Variants in ALCAM observed in about 807,000 individuals in gnomAD.
ALCAM encodes the protein activated leukocyte cell adhesion molecule, also known as CD166 antigen.
In ALCAM, 30 loss-of-function variants were observed where a neutral mutation model predicts 70.9. The ratio of observed to expected loss-of-function variants is 0.42; its 90% confidence interval spans 0.32 to 0.57. The LOEUF (loss-of-function observed/expected upper bound fraction) is 0.57. Among genes scored for constraint, ALCAM ranks in the 20% least tolerant of loss-of-function variants. The probability of loss-of-function intolerance (pLI) is 0.11; values close to 1 mark genes in which losing one functional copy is unlikely to be tolerated. For synonymous variants in ALCAM, 249 were observed against 242.5 expected (o/e 1.03, Z -0.25); for missense variants, 591 against 695.1 (o/e 0.85, Z 1.68).
At chr3:105,463,843 C>G (rs986597866) in intron 1 of ALCAM, among the ~76,000 whole-genome samples, 3 of 151,304 alleles carry the variant, frequency 2.0e-5, no homozygotes, top group African/African-American at 7.3e-5. Flanking sequence ...CCTGAAGTCC[C>G]TTAGTCAATA....
intron 14 of ALCAM, among the ~76,000 whole-genome samples, chr3:105,554,339 C>T (rs1269099185): frequency 6.6e-6 from 1 of 151,878 alleles, no homozygotes; most frequent in Admixed American, 6.6e-5. Flanking sequence ...AAAAATGTCC[C>T]AGTTCAAGTG....
intron 1 of ALCAM, among the ~76,000 whole-genome samples, chr3:105,450,619 C>T (rs532875122): frequency 2.6e-5 from 4 of 152,258 alleles, no homozygotes; most frequent in South Asian, 2.1e-4. Context: ...TTGTCATATA[C>T]TTGAGTACTT....
chr3:105,376,433 T>A (rs903192345), intron 1 of ALCAM, among the ~76,000 whole-genome samples: 4 of 152,230 alleles, frequency 2.6e-5, no homozygotes, highest in African/African-American at 9.7e-5. Flanking sequence ...GGTCACATTG[T>A]TGGCCAATCC....
intron 14 of ALCAM, among the ~76,000 whole-genome samples, chr3:105,559,081 TA>T (rs910120973): frequency 2.0e-5 from 3 of 151,726 alleles, no homozygotes; most frequent in African/African-American, 7.3e-5. Context: ...TTCTCTCATT[TA>T]AGGTTATTAA....
intron 14 of ALCAM, among the ~76,000 whole-genome samples, chr3:105,557,853 A>C (rs371268884): frequency 3.3e-5 from 5 of 152,162 alleles, no homozygotes; most frequent in East Asian, 3.9e-4. Context: ...AAAGACATAA[A>C]ATTTTCATGA....
chr3:105,563,006 A>G (rs1940659376), intron 14 of ALCAM, among the ~76,000 whole-genome samples: 1 of 151,982 alleles, frequency 6.6e-6, no homozygotes, highest in African/African-American at 2.4e-5. Flanking sequence ...GGGTTTCTCC[A>G]TGTTGGTCAG....
At chr3:105,375,320 G>T (rs1316974050) in intron 1 of ALCAM, among the ~76,000 whole-genome samples, 5 of 152,004 alleles carry the variant, frequency 3.3e-5, no homozygotes, top group African/African-American at 7.3e-5. Context: ...TATCATACAG[G>T]CTCCACAATA....
chr3:105,391,974 C>T (rs1446479618), intron 1 of ALCAM, among the ~76,000 whole-genome samples: 1 of 151,684 alleles, frequency 6.6e-6, no homozygotes, highest in Non-Finnish European at 1.5e-5. Context: ...GATCAGTATG[C>T]CAGTGTTTTA....
intron 1 of ALCAM, among the ~76,000 whole-genome samples, chr3:105,407,266 CA>C (rs34938740): frequency 0.68 from 101,550 of 150,166 alleles, 34,467 homozygotes; most frequent in East Asian, 0.92. Context: ...GCAACAACAA[CA>C]AAAAAAAAAC....
chr3:105,396,647 A>G (rs1935957697), intron 1 of ALCAM, among the ~76,000 whole-genome samples: 1 of 151,986 alleles, frequency 6.6e-6, no homozygotes, highest in Admixed American at 6.6e-5. Flanking sequence ...AACAGTAAAA[A>G]TATTGTGGAA....
intron 1 of ALCAM, among the ~76,000 whole-genome samples, chr3:105,517,182 G>A (rs1222269576): frequency 6.6e-6 from 1 of 152,072 alleles, no homozygotes; most frequent in Non-Finnish European, 1.5e-5. Flanking sequence ...TCCCACAGAT[G>A]CAAGCCTTCA....
intron 1 of ALCAM, among the ~76,000 whole-genome samples, chr3:105,497,170 G>A (rs1938769017): frequency 6.6e-6 from 1 of 152,022 alleles, no homozygotes; most frequent in Non-Finnish European, 1.5e-5. Flanking sequence ...AAAAAGCTAT[G>A]AATCATTTTA....
chr3:105,415,707 C>G (rs548059924), intron 1 of ALCAM, among the ~76,000 whole-genome samples: 1 of 152,090 alleles, frequency 6.6e-6, no homozygotes, highest in East Asian at 1.9e-4. Flanking sequence ...TCTTTCTTTT[C>G]AAGTTACCTC....
intron 11 of ALCAM, among the ~76,000 whole-genome samples, chr3:105,548,920 A>G (rs1205766435): frequency 2.0e-5 from 3 of 151,510 alleles, no homozygotes; most frequent in Non-Finnish European, 4.4e-5. Flanking sequence ...ACCTTTAGGT[A>G]CTGGTAATAC....
chr3:105,454,100 C>T (rs1937498305), intron 1 of ALCAM, among the ~76,000 whole-genome samples: 1 of 151,962 alleles, frequency 6.6e-6, no homozygotes, highest in African/African-American at 2.4e-5. Context: ...AGAGAGCACA[C>T]CTATTCTATT....
intron 1 of ALCAM, among the ~76,000 whole-genome samples, chr3:105,427,926 A>G (rs1033533773): frequency 2.6e-5 from 4 of 152,016 alleles, no homozygotes; most frequent in African/African-American, 9.7e-5. Flanking sequence ...GAGAAAACCT[A>G]TTATACTTTT....
intron 1 of ALCAM, among the ~76,000 whole-genome samples, chr3:105,496,177 T>C (rs1158007642): frequency 6.6e-6 from 1 of 152,194 alleles, no homozygotes; most frequent in East Asian, 1.9e-4. Context: ...TTCCTATAAT[T>C]AAATACTTAT....
chr3:105,404,380 A>C (rs367797397), intron 1 of ALCAM, among the ~76,000 whole-genome samples: 2 of 152,200 alleles, frequency 1.3e-5, no homozygotes, highest in East Asian at 1.9e-4. Flanking sequence ...GATTAACAGC[A>C]CATTTCTCAG....
intron 1 of ALCAM, among the ~76,000 whole-genome samples, chr3:105,436,752 A>C (rs545098688): frequency 6.6e-6 from 1 of 152,316 alleles, no homozygotes; most frequent in Admixed American, 6.5e-5. Flanking sequence ...CAAATTAAGC[A>C]TGTGCACATC....
Sources: allele counts gnomAD v4.1 joint callset (sites outside exome capture counted in the v4.1 genomes callset), GRCh38; gene constraint gnomAD v4.1.1; transcripts MANE v1.5; gene names NCBI Gene and HGNC (gene_info 2026-07-23, HGNC 2026-07-21).